Variants in DYRK2 observed in about 807,000 individuals in gnomAD.
The protein encoded by DYRK2 is dual specificity tyrosine-phosphorylation-regulated kinase 2.
A neutral mutation model predicts 41.6 loss-of-function variants in DYRK2; 12 were observed. The observed-to-expected ratio is 0.29, with a 90% confidence interval of 0.18 to 0.47. DYRK2 has a LOEUF of 0.47. Ranked by LOEUF, DYRK2 falls within the 20% of genes least tolerant of loss-of-function variation. The pLI is 1.00. For synonymous variants in DYRK2, 322 were observed against 315.7 expected (o/e 1.02, Z -0.21); for missense variants, 678 against 798.4 (o/e 0.85, Z 1.82).
chr12:67,649,724 G>T (rs1872251307), intron 1 of DYRK2, 73 bp from the exon 2 acceptor site: 3 of 1,283,818 alleles, frequency 2.3e-6, no homozygotes, highest in Non-Finnish European at 3.0e-6. Context: ...CTGCCCAGCG[G>T]GGTTGGAGGG....
intron 1 of DYRK2, among the ~76,000 whole-genome samples, 161 bp downstream of exon 1, chr12:67,649,343 T>A (rs1872235556): frequency 6.6e-6 from 1 of 151,058 alleles, no homozygotes; most frequent in Non-Finnish European, 1.5e-5. Flanking sequence ...CCATGCAGGG[T>A]TGTGCGCGGC....
chr12:67,652,153 A>G (rs1456355184), intron 2 of DYRK2, among the ~76,000 whole-genome samples: 1 of 152,162 alleles, frequency 6.6e-6, no homozygotes, highest in Non-Finnish European at 1.5e-5. Context: ...ATATGATTAT[A>G]AAGATTATAA....
chr12:67,657,477 G>A lies in DYRK2; in HGVS notation c.570G>A (p.Lys190=). ...ATTTCTTGGGTCTAAATGCTAAGAA[G>A]CGCCAGGGCATGACAGGTGGGCCCA... ...EIYFLGLNAK[K]RQGMTGGPNN... Residue 190 remains lysine (K), a synonymous_variant, in exon 3 of 3, where the codon AAG becomes AAA. Coordinates refer to ENST00000344096, the MANE Select transcript of DYRK2 (RefSeq NM_006482.3). This position sits in a 1 kb window ranked among gnomAD's most constrained non-coding sequence, Gnocchi z 4.8. The A allele has an allele frequency of 6.2e-7, 1 of 1,614,144 alleles. No individual in the cohort carries two copies. Among genetic ancestry groups the A allele is most frequent in the African/African-American group, 1.3e-5 (1 of 75,048 alleles).
At position 67,661,352 on chromosome 12, in the gene DYRK2, C is replaced by G. The variant is rs945677176; in HGVS notation, c.*2639C>G. On this transcript the variant is annotated 3_prime_UTR_variant, in exon 3 of 3. Coordinates refer to ENST00000344096, the MANE Select transcript of DYRK2 (RefSeq NM_006482.3). ...GGGGATGTCTGAGCTGTTTTCAGAT[C>G]TAGGAATAGCACAGTGTTGTCTTGT... 6.0e-6 allele frequency: 1 copy of G among 167,050 alleles called. No individual in the cohort carries two copies. The allele number at this position is 167,050 out of a possible 1,614,324, so 10.3% of individuals were successfully genotyped here.
Position 67,649,811 on chromosome 12 carries a change from A to T in DYRK2, c.64A>T (p.Ser22Cys). Residue 22 changes from serine to cysteine, a missense_variant, in exon 2 of 3, where the codon AGC becomes TGC. Ser to Cys is a moderately radical substitution (Grantham distance 112). Around this residue, in one of 2 missense-constraint regions of DYRK2, gnomAD observed 285 missense variants for 279.2 expected, o/e 1.02. Transcript: ENST00000344096. ...GTGGCTTCCAGGCCGAGGTGGGGAC[A>T]GCGCCGTTCGTCAGCTTCAGGCTTC... ...AAYPTGRGGD[S>C]AVRQLQASPG... 1.5e-6 allele frequency: 2 copies of T among 1,329,242 alleles called. No individual in the cohort carries two copies. The highest frequency in any genetic ancestry group is 1.9e-6 in the Non-Finnish European group (2 of 1,033,130). The allele number at this position is 1,329,242 out of a possible 1,614,324, so 82.3% of individuals were successfully genotyped here.
Position 67,648,868 on chromosome 12 carries a change from T to G in DYRK2, c.-266T>G. The G allele has an allele frequency of 3.8e-6, 1 of 262,442 alleles. No individual in the cohort carries two copies. The highest frequency in any genetic ancestry group is 7.0e-6 in the Non-Finnish European group (1 of 143,494). 16.3% of individuals were successfully genotyped at this position (262,442 alleles called of 1,614,324 possible). On this transcript the variant is annotated 5_prime_UTR_variant, in exon 1 of 3. An upstream start codon of the reference 5' UTR is lost. Transcript: ENST00000344096. Reference sequence around the variant, plus strand: ...GCGGCGCGCAGGGGAGGGCGAGGCATGTGCACGGGCCGGAGGGTGCTGCAG... The same window carrying G: ...GCGGCGCGCAGGGGAGGGCGAGGCAGGTGCACGGGCCGGAGGGTGCTGCAG...
Position 67,663,923 on chromosome 12 carries a change from C to T in DYRK2, c.*5210C>T, listed in dbSNP as rs1872684547. 2 of 152,092 alleles carry T rather than the reference C, an allele frequency of 1.3e-5. No individual in the cohort carries two copies. Among genetic ancestry groups the T allele is most frequent in the African/African-American group, 2.4e-5 (1 of 41,430 alleles). 9.4% of individuals were successfully genotyped at this position (152,092 alleles called of 1,614,324 possible). A position where few individuals can be genotyped will look rare whatever the true frequency, so the allele number is the denominator to read the frequency against. On this transcript the variant is annotated 3_prime_UTR_variant, in exon 3 of 3. Coordinates refer to ENST00000344096, the MANE Select transcript of DYRK2 (RefSeq NM_006482.3). Reference sequence around the variant, plus strand: ...AGCTCTAGAAAATGTCCCTAGTTGACATTAGTGTTGGTCTGTTAGAAGGGG... The same window carrying T: ...AGCTCTAGAAAATGTCCCTAGTTGATATTAGTGTTGGTCTGTTAGAAGGGG...
At position 67,658,401 on chromosome 12, in the gene DYRK2, C is replaced by A. The variant is rs535674843; in HGVS notation, c.1494C>A (p.Asn498Lys). 2.4e-5 allele frequency: 39 copies of A among 1,598,610 alleles called. No individual in the cohort carries two copies. In the East Asian group the frequency reaches 6.5e-4, roughly 27 times the overall value. Residue 498 changes from asparagine (N) to lysine (K), a missense_variant, in exon 3 of 3, where the codon AAC (asparagine) becomes AAA (lysine). Coordinates refer to ENST00000344096, the MANE Select transcript of DYRK2 (RefSeq NM_006482.3). The surrounding 1 kb of genome is among the most constrained non-coding windows in gnomAD (Gnocchi z 4.3). Reference sequence around the variant, plus strand: ...CACCGGAGAGCAGAGAGTGGGGGAACGCGCTGAAGGGGTGTGATGATCCCC... The same window carrying A: ...CACCGGAGAGCAGAGAGTGGGGGAAAGCGCTGAAGGGGTGTGATGATCCCC... ...RGPPESREWGNALKGCDDPLF... is the reference protein window; with the variant it reads ...RGPPESREWGKALKGCDDPLF...
rs1872226742 is a variant in DYRK2 at position 67,649,162 on chromosome 12, C to G, written c.29C>G (p.Ala10Gly). The change falls in exon 1 of 3, where the codon GCT becomes GGT. Residue 10 changes from alanine to glycine, a missense_variant. Around this residue, in one of 2 missense-constraint regions of DYRK2, gnomAD observed 285 missense variants for 279.2 expected, o/e 1.02. Coordinates refer to ENST00000344096, the MANE Select transcript of DYRK2 (RefSeq NM_006482.3). The part of the protein sequence containing the change: MLTRKPSAA[A>G]PAAYPTGRGG... ...TTAACCAGGAAACCTTCGGCCGCCG[C>G]TCCCGCCGCCTACCCGACCGGTAAG... 7.9e-6 allele frequency: 12 copies of G among 1,514,662 alleles called. No individual in the cohort carries two copies. In the East Asian group the frequency reaches 3.4e-4, roughly 43 times the overall value. 93.8% of individuals were successfully genotyped at this position (1,514,662 alleles called of 1,614,324 possible).
At chr12:67,652,813 T>C (rs1364181580) in intron 2 of DYRK2, 2 of 152,140 alleles carry the variant, frequency 1.3e-5, no homozygotes, top group African/African-American at 4.8e-5. Context: ...TTGTATTATG[T>C]TTTTATTTTT....
At chr12:67,649,719 C>T in intron 1 of DYRK2, 78 bp from the exon 2 acceptor site, 2 of 1,275,840 alleles carry the variant, frequency 1.6e-6, no homozygotes, top group East Asian at 2.9e-5. Flanking sequence ...TGTCGCTGCC[C>T]AGCGGGGTTG....
Position 67,648,851 on chromosome 12 carries a change from C to T in DYRK2, c.-283C>T. ...GGGAGACGGGGAGGCCCGCGGCGCG[C>T]AGGGGAGGGCGAGGCATGTGCACGG... On this transcript the variant is annotated 5_prime_UTR_variant, in exon 1 of 3. Transcript: ENST00000344096. The T allele has an allele frequency of 4.2e-6, 1 of 240,126 alleles. No homozygotes were observed. Among genetic ancestry groups the T allele is most frequent in the Non-Finnish European group, 7.8e-6 (1 of 127,758 alleles). 14.9% of individuals were successfully genotyped at this position (240,126 alleles called of 1,614,324 possible). A position where few individuals can be genotyped will look rare whatever the true frequency, so the allele number is the denominator to read the frequency against.
At position 67,660,403 on chromosome 12, in the gene DYRK2, C is replaced by T. The variant is rs1055578398; in HGVS notation, c.*1690C>T. 1 of 166,150 alleles carries T rather than the reference C, an allele frequency of 6.0e-6. No individual in the cohort carries two copies. The highest frequency in any genetic ancestry group is 2.4e-5 in the African/African-American group (1 of 41,174). The allele number at this position is 166,150 out of a possible 1,614,324, so 10.3% of individuals were successfully genotyped here. On this transcript the variant is annotated 3_prime_UTR_variant, in exon 3 of 3. Transcript: ENST00000344096. ...GAAAAAAACACTTTAATTTAGGCTT[C>T]GTTGGTTGATGGTGGAAAAAAATGC...
At chr12:67,649,668 A>T in intron 1 of DYRK2, 129 bp from the exon 2 acceptor site, 2 of 1,093,856 alleles carry the variant, frequency 1.8e-6, no homozygotes, top group Non-Finnish European at 2.3e-6. Context: ...GCCCGTTTTT[A>T]CTGCCCCGGT....
rs1344222268 is a variant in DYRK2, at chr12:67,658,203, C to T, written c.1296C>T (p.Ala432=). Reference sequence around the variant, plus strand: ...GGGAAGATGAAGGGGACCAGCTGGCCTGTATGATTGAACTGTTGGGCATGC... The same window carrying T: ...GGGAAGATGAAGGGGACCAGCTGGCTTGTATGATTGAACTGTTGGGCATGC... The part of the protein sequence containing the change: ...LPGEDEGDQL[A]CMIELLGMPS... Residue 432 remains alanine (A), a synonymous_variant, in exon 3 of 3, where the codon GCC becomes GCT. Coordinates refer to ENST00000344096, the MANE Select transcript of DYRK2 (RefSeq NM_006482.3). The surrounding 1 kb of genome is among the most constrained non-coding windows in gnomAD (Gnocchi z 4.3). 2 of 1,614,162 alleles carry T rather than the reference C, an allele frequency of 1.2e-6. No homozygotes were observed. The highest frequency in any genetic ancestry group is 1.3e-5 in the African/African-American group (1 of 75,042).
intron 2 of DYRK2, chr12:67,651,504 T>C: frequency 2.2e-6 from 1 of 446,118 alleles, no homozygotes; most frequent in African/African-American, 2.0e-5. Context: ...AGGGAGAGCC[T>C]GTGGTGCACC....
At chr12:67,650,133 C>T (rs939070981) in intron 2 of DYRK2, among the ~76,000 whole-genome samples, 188 bp downstream of exon 2, 1 of 152,272 alleles carries the variant, frequency 6.6e-6, no homozygotes, top group Non-Finnish European at 1.5e-5. Context: ...GCTGCAGCCA[C>T]AAAGGAAGAT....
In DYRK2 at chr12:67,664,257, A is replaced by G. The variant is rs10784638; in HGVS notation, c.*5544A>G. ...TTAATATCTGCGGTACATTTCATAT[A>G]TATATATGGGGTGGGAGCATAATTG... is the stretch of plus-strand genomic sequence containing the variant. On this transcript the variant is annotated 3_prime_UTR_variant, in exon 3 of 3. Coordinates refer to ENST00000344096, the MANE Select transcript of DYRK2 (RefSeq NM_006482.3). 0.55 allele frequency: 83,765 copies of G among 151,908 alleles called. 23,813 individuals are homozygous for G. The highest frequency in any genetic ancestry group is 0.64 in the East Asian group (3,299 of 5,166). 9.4% of individuals were successfully genotyped at this position (151,908 alleles called of 1,614,324 possible).
In DYRK2 at chr12:67,658,871, T is replaced by A. The variant is rs540756357; in HGVS notation, c.*158T>A. 6.0e-5 allele frequency: 53 copies of A among 883,162 alleles called. 1 individual carries two copies. The South Asian group carries it at 1.3e-3, about 22-fold the overall frequency. The allele number at this position is 883,162 out of a possible 1,614,324, so 54.7% of individuals were successfully genotyped here. A position where few individuals can be genotyped will look rare whatever the true frequency, so the allele number is the denominator to read the frequency against. On this transcript the variant is annotated 3_prime_UTR_variant, in exon 3 of 3. Transcript: ENST00000344096. The surrounding 1 kb of genome is among the most constrained non-coding windows in gnomAD (Gnocchi z 4.3). ...TTTAATGTAAGAAAGTTGTTCATTT[T>A]GTTTTTATAAAATACATGAGGACAA... is the stretch of plus-strand genomic sequence containing the variant.
Sources: allele counts gnomAD v4.1 joint callset (sites outside exome capture counted in the v4.1 genomes callset), GRCh38; gene constraint gnomAD v4.1.1; regional missense constraint gnomAD v4.1.1; non-coding constraint Gnocchi (gnomAD v3.1); transcripts MANE v1.5; gene names NCBI Gene and HGNC (gene_info 2026-07-23, HGNC 2026-07-21).